Variants in RPH3AL observed in about 807,000 individuals in gnomAD.
RPH3AL encodes rab effector Noc2.
RPH3AL carries 38 observed loss-of-function variants against 43.1 expected under a neutral mutation model. That is an observed-to-expected ratio of 0.88 (90% CI 0.68 to 1.15). RPH3AL has a LOEUF of 1.15. Ranked by LOEUF, RPH3AL falls within the 50% of genes most tolerant of loss-of-function variation. The pLI, the probability that RPH3AL is intolerant of heterozygous loss-of-function variation, is 0.00. For synonymous variants in RPH3AL, 189 were observed against 176.3 expected (o/e 1.07, Z -0.57); for missense variants, 462 against 423.2 (o/e 1.09, Z -0.81).
Position 243,127 on chromosome 17 carries a change from C to T in RPH3AL, c.613+3984G>A, listed in dbSNP as rs998588090. Among the ~76,000 whole-genome samples the T allele has an allele frequency of 1.7e-4, 24 of 141,468 alleles. 4 individuals carry two copies. The highest frequency in any genetic ancestry group is 3.1e-4 in the Non-Finnish European group (20 of 63,848). The allele number at this position is 141,468 out of a possible 152,430, so 92.8% of individuals were successfully genotyped here. ...CTGATTACCTTCCTCTACTGATTGC[C>T]CCTCCTCTACTGATTGCCCCTCCTC... is the stretch of plus-strand genomic sequence containing the variant. On this transcript the variant is annotated intron_variant, in intron 7 of 9. Transcript: ENST00000331302.
Position 318,242 on chromosome 17 carries a change from AG to A in RPH3AL, c.351+1177del, listed in dbSNP as rs370713205. ...TACTAAAATTCAAAAATTAGCCGGT[AG>A]TGGTGGCATGCACCTGTAATCCCAG... On this transcript the variant is annotated intron_variant, in intron 5 of 9. Transcript: ENST00000331302. Among the ~76,000 whole-genome samples the A allele has an allele frequency of 7.8e-3, 1,194 of 152,214 alleles. 19 individuals carry two copies. Among genetic ancestry groups the A allele is most frequent in the African/African-American group, 0.027 (1,139 of 41,546 alleles).
chr17:236,863 G>C (rs1320242493), intron 7 of RPH3AL, among the ~76,000 whole-genome samples: 1 of 152,280 alleles, frequency 6.6e-6, no homozygotes, highest in East Asian at 1.9e-4. Context: ...CCACGGGCGG[G>C]GCATGCGCTG....
chr17:325,494 A>G (rs1447368525), intron 3 of RPH3AL, among the ~76,000 whole-genome samples: 1 of 151,934 alleles, frequency 6.6e-6, no homozygotes, highest in Non-Finnish European at 1.5e-5. Flanking sequence ...GCCTTTGCAC[A>G]TGCTGTTCCT....
rs9748191 is a variant in RPH3AL, at chr17:299,486, G to A, written c.352-17632C>T. ...AAAGGACCCTGGGGGAAATGAACCCGCTCCCTCTTTTCCACTCAGCTTCCC... is the reference window on the plus strand; with the variant it reads ...AAAGGACCCTGGGGGAAATGAACCCACTCCCTCTTTTCCACTCAGCTTCCC... On this transcript the variant is annotated intron_variant, in intron 5 of 9. Coordinates refer to ENST00000331302, the MANE Select transcript of RPH3AL (RefSeq NM_006987.4). Among the ~76,000 whole-genome samples, 866 of 152,288 alleles carry A rather than the reference G, an allele frequency of 5.7e-3. 9 individuals are homozygous for A. Among genetic ancestry groups the A allele is most frequent in the African/African-American group, 0.019 (784 of 41,548 alleles).
At chr17:229,566 C>A (rs981968687) in intron 7 of RPH3AL, among the ~76,000 whole-genome samples, 11 of 152,210 alleles carry the variant, frequency 7.2e-5, no homozygotes, top group Admixed American at 5.9e-4. Flanking sequence ...GACGGAGGGA[C>A]CTCAGGGATG....
chr17:307,166 A>G, intron 5 of RPH3AL, among the ~76,000 whole-genome samples: 1 of 140,926 alleles, frequency 7.1e-6, no homozygotes, highest in Admixed American at 7.0e-5. Context: ...TGGCAGGCCC[A>G]TCCCACGGCA....
intron 7 of RPH3AL, among the ~76,000 whole-genome samples, chr17:227,104 G>T (rs921925392): frequency 6.6e-6 from 1 of 152,156 alleles, no homozygotes; most frequent in East Asian, 1.9e-4. Context: ...CCCCTCCACA[G>T]GGGCCTGAGC....
intron 7 of RPH3AL, among the ~76,000 whole-genome samples, chr17:241,642 A>G (rs2151530492): frequency 6.6e-6 from 1 of 152,108 alleles, no homozygotes; most frequent in South Asian, 2.1e-4. Flanking sequence ...CCCTTTATCA[A>G]GTATATGTTT....
intron 6 of RPH3AL, among the ~76,000 whole-genome samples, chr17:262,358 G>A (rs988501013): frequency 4.3e-4 from 66 of 152,228 alleles, no homozygotes; most frequent in African/African-American, 1.6e-3. Flanking sequence ...TGGGATTACA[G>A]GCACCCGCCA....
rs532809273 is a variant in RPH3AL, at chr17:258,474, G to A, written c.439-11189C>T. ...AGATTAAAAGAGGGATAAAGAGGAAGGGCTTGATGGGGTGTGCTGGTGGGG... is the reference window on the plus strand; with the variant it reads ...AGATTAAAAGAGGGATAAAGAGGAAAGGCTTGATGGGGTGTGCTGGTGGGG... On this transcript the variant is annotated intron_variant, in intron 6 of 9. Transcript: ENST00000331302. Among the ~76,000 whole-genome samples, 13 of 152,312 alleles carry A rather than the reference G, an allele frequency of 8.5e-5. No individual in the cohort carries two copies. In the South Asian group the frequency reaches 2.7e-3, roughly 32 times the overall value.
At chr17:214,290 C>A (rs8077096) in intron 9 of RPH3AL, among the ~76,000 whole-genome samples, 6 of 152,098 alleles carry the variant, frequency 3.9e-5, no homozygotes, top group East Asian at 1.9e-4. Context: ...CACAGCTTCC[C>A]CCTTTATCAC....
At position 327,570 on chromosome 17, in the gene RPH3AL, G is replaced by A; in HGVS notation, c.-27C>T. 6.2e-7 allele frequency: 1 copy of A among 1,609,234 alleles called. No individual in the cohort carries two copies. Among genetic ancestry groups the A allele is most frequent in the Non-Finnish European group, 8.5e-7 (1 of 1,176,596 alleles). On this transcript the variant is annotated 5_prime_UTR_variant, in exon 3 of 10. Coordinates refer to ENST00000331302, the MANE Select transcript of RPH3AL (RefSeq NM_006987.4). ...GCTCGGAGCACCCGGCTGGGGGTGGGGAGTCACATCTGAGATGAAGGAGGG... is the reference window on the plus strand; with the variant it reads ...GCTCGGAGCACCCGGCTGGGGGTGGAGAGTCACATCTGAGATGAAGGAGGG...
intron 6 of RPH3AL, among the ~76,000 whole-genome samples, chr17:275,525 CTT>C (rs1177130611): frequency 6.6e-6 from 1 of 152,108 alleles, no homozygotes; most frequent in African/African-American, 2.4e-5. Flanking sequence ...GTGGGTACCT[CTT>C]TTATTATGAT....
chr17:227,330 G>A (rs143928638), intron 7 of RPH3AL, among the ~76,000 whole-genome samples: 14 of 147,558 alleles, frequency 9.5e-5, no homozygotes, highest in South Asian at 6.4e-4. Context: ...TACACGGAGC[G>A]GGGGGAAGAG....
chr17:323,354 C>T lies in RPH3AL; in HGVS notation c.78-1939G>A, dbSNP rs746401604. ...AAAATACCGGGGCAGCAGGGCAGGG[C>T]TGGAAGGGGGGCAAGGCCAGTAGAG... On this transcript the variant is annotated intron_variant, in intron 3 of 9. Transcript: ENST00000331302. The surrounding 1 kb of genome is among the most constrained non-coding windows in gnomAD (Gnocchi z 4.4). Among the ~76,000 whole-genome samples the T allele has an allele frequency of 3.3e-5, 5 of 152,148 alleles. No homozygotes were observed. The highest frequency in any genetic ancestry group is 5.9e-5 in the Non-Finnish European group (4 of 68,030).
chr17:314,307 G>C (rs78928191), intron 5 of RPH3AL, among the ~76,000 whole-genome samples: 3,578 of 151,956 alleles, frequency 0.024, 149 homozygotes, highest in African/African-American at 0.082. Flanking sequence ...GCAGCTGTGG[G>C]GTTGAGAGAC....
At chr17:324,924 A>G (rs1295867295) in intron 3 of RPH3AL, among the ~76,000 whole-genome samples, 1 of 152,028 alleles carries the variant, frequency 6.6e-6, no homozygotes, top group African/African-American at 2.4e-5. Context: ...ACAGGGTTTC[A>G]CTATGTTGGC....
intron 8 of RPH3AL, among the ~76,000 whole-genome samples, chr17:216,778 A>G (rs149303100): frequency 6.6e-6 from 1 of 152,290 alleles, no homozygotes; most frequent in East Asian, 1.9e-4. Flanking sequence ...CCACTTAGAA[A>G]ACTGCACTGA....
intron 7 of RPH3AL, among the ~76,000 whole-genome samples, chr17:235,042 A>C (rs535226602): frequency 6.6e-6 from 1 of 152,354 alleles, no homozygotes; most frequent in South Asian, 2.1e-4. Flanking sequence ...AACGGCAGCC[A>C]CAGGGCTGCT....
Sources: allele counts gnomAD v4.1 joint callset (sites outside exome capture counted in the v4.1 genomes callset), GRCh38; gene constraint gnomAD v4.1.1; non-coding constraint Gnocchi (gnomAD v3.1); transcripts MANE v1.5; gene names NCBI Gene and HGNC (gene_info 2026-07-23, HGNC 2026-07-21).